KCNQ2: variants seen among roughly 807,000 people sequenced by gnomAD.
The protein encoded by KCNQ2 is potassium voltage-gated channel subfamily KQT member 2.
A neutral mutation model predicts 84.8 loss-of-function variants in KCNQ2; 14 were observed. The observed-to-expected ratio is 0.17, with a 90% CI of 0.11 to 0.26. The LOEUF is 0.26. KCNQ2 is among the 10% of genes least tolerant of loss of function. The probability of loss-of-function intolerance (pLI) is 1.00; values close to 1 mark genes in which losing one functional copy is unlikely to be tolerated. For synonymous variants in KCNQ2, 599 were observed against 554.1 expected (o/e 1.08, Z -1.14); for missense variants, 788 against 1,254.0 (o/e 0.63, Z 5.61).
intron 15 of KCNQ2, among the ~76,000 whole-genome samples, chr20:63,409,712 C>T (rs1322990583): frequency 6.6e-6 from 1 of 152,186 alleles, no homozygotes; most frequent in African/African-American, 2.4e-5. Context: ...GTCCTCACTT[C>T]CTGCCACTGG....
In KCNQ2 at chr20:63,407,482, G is replaced by T. The variant is rs908288581; in HGVS notation, c.1888-107C>A. ...GGGCCCAGGCTGGTTCCAGGAAACA[G>T]GAGAGACCCAGGCTAGTCCCAGGAA... On this transcript the variant is annotated intron_variant, in intron 16 of 16. Transcript: ENST00000359125. The surrounding 1 kb of genome is among the most constrained non-coding windows in gnomAD (Gnocchi z 7.2). 8 of 1,231,388 alleles carry T rather than the reference G, an allele frequency of 6.5e-6. No individual in the cohort carries two copies. The South Asian group carries it at 1.1e-4, about 16-fold the overall frequency. 76.3% of individuals were successfully genotyped at this position (1,231,388 alleles called of 1,614,324 possible).
chr20:63,443,033 C>CCATCACATCACCAT lies in KCNQ2; in HGVS notation c.691-503_691-502insATGGTGATGTGATG, dbSNP rs1600773567. Among the ~76,000 whole-genome samples, 5 of 34,038 alleles carry CCATCACATCACCAT rather than the reference C, an allele frequency of 1.5e-4. No homozygotes were observed. In the East Asian group the frequency reaches 4.6e-3, roughly 31 times the overall value. 22.3% of individuals were successfully genotyped at this position (34,038 alleles called of 152,430 possible). ...CACCATCACCACCACCATCACATCACCACCACCATCACCATCATCAGCATC... is the reference window on the plus strand; with the variant it reads ...CACCATCACCACCACCATCACATCACCATCACATCACCATCACCACCATCACCATCATCAGCATC... On this transcript the variant is annotated intron_variant, in intron 4 of 16. Transcript: ENST00000359125.
chr20:63,408,595 C>T lies in KCNQ2; in HGVS notation c.1764-59G>A. ...GGGTGGGTGCAGCAGGGCCCCTGCCCTCTCCTCCTGGACCAGGCCACAGTG... is the reference window on the plus strand; with the variant it reads ...GGGTGGGTGCAGCAGGGCCCCTGCCTTCTCCTCCTGGACCAGGCCACAGTG... On this transcript the variant is annotated intron_variant, in intron 15 of 16. Coordinates refer to ENST00000359125, the MANE Select transcript of KCNQ2 (RefSeq NM_172107.4). This position sits in a 1 kb window ranked among gnomAD's most constrained non-coding sequence, Gnocchi z 5.0. The T allele has an allele frequency of 1.9e-6, 3 of 1,592,416 alleles. No individual in the cohort carries two copies. Among genetic ancestry groups the T allele is most frequent in the Non-Finnish European group, 2.6e-6 (3 of 1,172,444 alleles).
chr20:63,433,539 T>C, intron 8 of KCNQ2: 1 of 637,644 alleles, frequency 1.6e-6, no homozygotes, highest in Non-Finnish European at 2.7e-6. Context: ...CTGGGGAGCG[T>C]CCTTGCAACG....
chr20:63,460,990 G>C lies in KCNQ2; in HGVS notation c.296+11178C>G, dbSNP rs1015075149. ...ACAGTATGCCGTTAACACCACAGCG[G>C]GACGGGACCGCCTGAATCCTATTCT... is the stretch of plus-strand genomic sequence containing the variant. On this transcript the variant is annotated intron_variant, in intron 1 of 16. Transcript: ENST00000359125. The surrounding 1 kb of genome is among the most constrained non-coding windows in gnomAD (Gnocchi z 5.4). 2 of 152,256 alleles carry C rather than the reference G, an allele frequency of 1.3e-5. No homozygotes were observed. Among genetic ancestry groups the C allele is most frequent in the African/African-American group, 2.4e-5 (1 of 41,448 alleles). 9.4% of individuals were successfully genotyped at this position (152,256 alleles called of 1,614,324 possible). A position where few individuals can be genotyped will look rare whatever the true frequency, so the allele number is the denominator to read the frequency against.
At chr20:63,424,618 A>G in intron 10 of KCNQ2, 1 of 198,300 alleles carries the variant, frequency 5.0e-6, no homozygotes, top group Non-Finnish European at 1.0e-5. Flanking sequence ...AGCTGCTCCG[A>G]CTCTTTTTTC....
Position 63,414,185 on chromosome 20 carries a change from G to T in KCNQ2, c.1534C>A (p.Leu512Ile). The T allele has an allele frequency of 6.2e-7, 1 of 1,613,262 alleles. No individual in the cohort carries two copies. The highest frequency in any genetic ancestry group is 8.5e-7 in the Non-Finnish European group (1 of 1,179,666). ...ASRQNSEEAS[L>I]PGEDIVDDKS... ...TCATCCACAATGTCCTCTCCGGGGAGGCTTGCTTCTGGGGGGAAGGAGACA... is the reference window on the plus strand; with the variant it reads ...TCATCCACAATGTCCTCTCCGGGGATGCTTGCTTCTGGGGGGAAGGAGACA... The change falls in exon 14 of 17, where the codon CTC (leucine) becomes ATC (isoleucine). Residue 512 changes from leucine (L) to isoleucine (I), a missense_variant. Leu to Ile is a conservative substitution (Grantham distance 5, BLOSUM62 2). Coordinates refer to ENST00000359125, the MANE Select transcript of KCNQ2 (RefSeq NM_172107.4). This position sits in a 1 kb window ranked among gnomAD's most constrained non-coding sequence, Gnocchi z 6.6.
intron 11 of KCNQ2, chr20:63,422,735 G>A (rs943293635): frequency 6.6e-6 from 1 of 152,474 alleles, no homozygotes; most frequent in African/African-American, 2.4e-5. Context: ...TGTCCAGATG[G>A]GTGGAGTGGA....
chr20:63,453,742 G>GAGT (rs1568958414), intron 1 of KCNQ2: 1 of 152,440 alleles, frequency 6.6e-6, no homozygotes, highest in Non-Finnish European at 1.5e-5. Context: ...GGATACAGAG[G>GAGT]AGTTGGCCAC....
intron 1 of KCNQ2, chr20:63,471,860 CG>C (rs1169689493): frequency 5.9e-6 from 2 of 338,676 alleles, no homozygotes; most frequent in Non-Finnish European, 1.1e-5. Flanking sequence ...CTTTGTTCGG[CG>C]CAGAGGCCGC....
chr20:63,421,570 G>A (rs554759918), intron 11 of KCNQ2, among the ~76,000 whole-genome samples: 6 of 152,310 alleles, frequency 3.9e-5, no homozygotes, highest in African/African-American at 7.2e-5. Context: ...TCGGACAGGC[G>A]GACAGGCCCA....
chr20:63,443,352 CCACCACCAT>C (rs2081303226), intron 4 of KCNQ2, among the ~76,000 whole-genome samples: 1 of 78,866 alleles, frequency 1.3e-5, no homozygotes, highest in African/African-American at 4.6e-5. Flanking sequence ...ATCACCACCA[CCACCACCAT>C]CACCATCATC....
intron 1 of KCNQ2, among the ~76,000 whole-genome samples, chr20:63,465,697 C>T (rs746249477): frequency 1.1e-4 from 16 of 152,204 alleles, no homozygotes; most frequent in Admixed American, 2.0e-4. Flanking sequence ...GAACAGGTGC[C>T]GCCCACCCTA....
At chr20:63,424,109 AC>A in intron 11 of KCNQ2, 67 bp downstream of exon 11, 1 of 1,515,020 alleles carries the variant, frequency 6.6e-7, no homozygotes, top group Non-Finnish European at 9.0e-7. Context: ...GGTTGCGCAC[AC>A]GTGTGGGAGA....
At chr20:63,417,062 G>A (rs2145572225) in intron 12 of KCNQ2, among the ~76,000 whole-genome samples, 1 of 152,298 alleles carries the variant, frequency 6.6e-6, no homozygotes, top group Non-Finnish European at 1.5e-5. Context: ...CGATGGTACA[G>A]GCTCGCTCAG....
rs1012304369 is a variant in KCNQ2 at position 63,401,269 on chromosome 20, G to A, written c.*5375C>T. ...ACCGTTGCCCACAACCTCCCCCGGC[G>A]ATGTCACCTCCTCCCAGGGTCGGCC... is the stretch of plus-strand genomic sequence containing the variant. On this transcript the variant is annotated 3_prime_UTR_variant, in exon 17 of 17. Transcript: ENST00000359125. 5 of 174,756 alleles carry A rather than the reference G, an allele frequency of 2.9e-5. No homozygotes were observed. The highest frequency in any genetic ancestry group is 1.5e-4 in the East Asian group (1 of 6,524). The allele number at this position is 174,756 out of a possible 1,614,324, so 10.8% of individuals were successfully genotyped here. A position where few individuals can be genotyped will look rare whatever the true frequency, so the allele number is the denominator to read the frequency against.
At chr20:63,443,018 A>G (rs969434364) in intron 4 of KCNQ2, among the ~76,000 whole-genome samples, 148 of 93,064 alleles carry the variant, frequency 1.6e-3, no homozygotes, top group Non-Finnish European at 3.0e-3. Flanking sequence ...CACCATCACC[A>G]CCACCATCAC....
intron 12 of KCNQ2, among the ~76,000 whole-genome samples, chr20:63,417,751 G>A (rs1458780759): frequency 6.6e-6 from 1 of 152,226 alleles, no homozygotes; most frequent in Non-Finnish European, 1.5e-5. Context: ...AGAAGACCCA[G>A]CCCCGACGTC....
chr20:63,438,747 C>G lies in KCNQ2; in HGVS notation c.928-27G>C, dbSNP rs2081074982. The stretch of plus-strand genomic sequence containing the variant: ...TGCAATTCATCAGGGTCAGGTCACA[C>G]CCCAGGGACCCCCCACACCCCAATT... On this transcript the variant is annotated intron_variant, in intron 6 of 16. Coordinates refer to ENST00000359125, the MANE Select transcript of KCNQ2 (RefSeq NM_172107.4). This position sits in a 1 kb window ranked among gnomAD's most constrained non-coding sequence, Gnocchi z 5.1. The G allele has an allele frequency of 6.3e-7, 1 of 1,597,428 alleles. No homozygotes were observed. The highest frequency in any genetic ancestry group is 1.3e-5 in the African/African-American group (1 of 74,586).
Sources: allele counts gnomAD v4.1 joint callset (sites outside exome capture counted in the v4.1 genomes callset), GRCh38; gene constraint gnomAD v4.1.1; non-coding constraint Gnocchi (gnomAD v3.1); transcripts MANE v1.5; gene names NCBI Gene and HGNC (gene_info 2026-07-23, HGNC 2026-07-21).